WDFY4: variants seen among roughly 807,000 people sequenced by gnomAD.
WDFY4 encodes the protein WD repeat- and FYVE domain-containing protein 4.
A neutral mutation model predicts 351.9 loss-of-function variants in WDFY4; 169 were observed. That is an observed-to-expected ratio of 0.48 (90% CI 0.42 to 0.55). The LOEUF (loss-of-function observed/expected upper bound fraction) is 0.55, where lower values mean the gene tolerates loss of function less well. Ranked by LOEUF, WDFY4 falls within the 20% of genes least tolerant of loss-of-function variation. The probability of loss-of-function intolerance (pLI) is 0.00; values close to 1 mark genes in which losing one functional copy is unlikely to be tolerated. For missense variants in WDFY4, 3,803 were observed against 3,935.6 expected, an observed-to-expected ratio of 0.97 and a Z score of 0.90; for synonymous variants, 1,622 against 1,574.6, an observed-to-expected ratio of 1.03 and a Z score of -0.71.
At chr10:48,831,049 A>G (rs1278016683) in intron 38 of WDFY4, among the ~76,000 whole-genome samples, 164 bp downstream of exon 38, 1 of 152,116 alleles carries the variant, frequency 6.6e-6, no homozygotes, top group African/African-American at 2.4e-5. Flanking sequence ...ATCTTTCCTC[A>G]CAAATAATGA....
At chr10:48,936,679 T>G (rs1291657226) in intron 47 of WDFY4, among the ~76,000 whole-genome samples, 1 of 151,358 alleles carries the variant, frequency 6.6e-6, no homozygotes, top group Non-Finnish European at 1.5e-5. Context: ...CTACTAAAAA[T>G]ACAAAAACAT....
chr10:48,697,186 C>T (rs1211846022), intron 1 of WDFY4, among the ~76,000 whole-genome samples: 2 of 152,212 alleles, frequency 1.3e-5, no homozygotes, highest in African/African-American at 2.4e-5. Flanking sequence ...TCACCCAGCT[C>T]ACAGGTAACT....
chr10:48,787,007 T>C (rs191385792), intron 20 of WDFY4, 137 bp downstream of exon 20: 27 of 706,632 alleles, frequency 3.8e-5, no homozygotes, highest in Non-Finnish European at 4.2e-5. Flanking sequence ...AATTGTATCA[T>C]TATATATTTA....
chr10:48,968,461 G>A (rs750207234), intron 55 of WDFY4: 1 of 153,094 alleles, frequency 6.5e-6, no homozygotes, highest in Non-Finnish European at 1.5e-5. Context: ...GGGTGGTAGG[G>A]TCAGGAAGAG....
intron 47 of WDFY4, among the ~76,000 whole-genome samples, chr10:48,922,839 T>C (rs897242462): frequency 6.6e-6 from 1 of 152,170 alleles, no homozygotes; most frequent in Non-Finnish European, 1.5e-5. Flanking sequence ...GAAAAAGCCA[T>C]AACTTTAGGT....
chr10:48,691,460 G>T (rs916234573), intron 1 of WDFY4, among the ~76,000 whole-genome samples: 25 of 152,146 alleles, frequency 1.6e-4, no homozygotes, highest in Non-Finnish European at 4.4e-5. Context: ...CTGTCACGCT[G>T]CTCCCCTGCT....
In WDFY4 at chr10:48,709,920, T is replaced by A. The variant is rs567725571; in HGVS notation, c.188T>A (p.Ile63Asn). The part of the protein sequence containing the change: ...EYQQLTHKSP[I>N]ERQKSLLSLL... Reference sequence around the variant, plus strand: ...CAGCAGTTGACTCACAAGAGCCCCATTGAGCGTCAGAAGAGCCTGTTGAGT... The same window carrying A: ...CAGCAGTTGACTCACAAGAGCCCCAATGAGCGTCAGAAGAGCCTGTTGAGT... Residue 63 changes from isoleucine to asparagine, a missense_variant, in exon 2 of 62, where the codon ATT becomes AAT. Ile to Asn is a moderately radical substitution (Grantham distance 149). Transcript: ENST00000325239. The A allele has an allele frequency of 6.4e-7, 1 of 1,552,224 alleles. No homozygotes were observed. Among genetic ancestry groups the A allele is most frequent in the Non-Finnish European group, 8.7e-7 (1 of 1,147,104 alleles).
chr10:48,806,083 C>A lies in WDFY4; in HGVS notation c.4726C>A (p.Pro1576Thr). 1.9e-6 allele frequency: 3 copies of A among 1,551,638 alleles called. No individual in the cohort carries two copies. The highest frequency in any genetic ancestry group is 2.6e-6 in the Non-Finnish European group (3 of 1,146,986). The change falls in exon 27 of 62, where the codon CCT (proline) becomes ACT (threonine). Residue 1576 changes from proline to threonine, a missense_variant. This residue lies in a region of WDFY4 where 3,054 missense variants were observed against 3,148.6 expected (regional missense o/e 0.97). Coordinates refer to ENST00000325239, the MANE Select transcript of WDFY4 (RefSeq NM_001394531.1). ...GATCTGCATGGACGGAGCCCTGGAC[C>A]CTTCCCTGCCTGGTGAGAAGACCTT... is the stretch of plus-strand genomic sequence containing the variant. The part of the protein sequence containing the change: ...RQICMDGALD[P>T]SLPAGSQTSG...
intron 12 of WDFY4, among the ~76,000 whole-genome samples, chr10:48,755,158 T>C (rs1038558064): frequency 6.6e-6 from 1 of 152,186 alleles, no homozygotes; most frequent in Non-Finnish European, 1.5e-5. Flanking sequence ...GAATACCATA[T>C]ACATGGAAGC....
At chr10:48,774,215 T>C (rs1177067620) in intron 13 of WDFY4, among the ~76,000 whole-genome samples, 3 of 152,146 alleles carry the variant, frequency 2.0e-5, no homozygotes, top group Non-Finnish European at 4.4e-5. Context: ...GCCATTGACC[T>C]CTCCCCACAC....
chr10:48,803,420 C>T, intron 25 of WDFY4, 61 bp downstream of exon 25: 1 of 1,515,394 alleles, frequency 6.6e-7, no homozygotes, highest in Non-Finnish European at 9.0e-7. Context: ...AGAACAGAGA[C>T]AGGGCAGGGT....
intron 43 of WDFY4, among the ~76,000 whole-genome samples, chr10:48,886,475 T>C (rs1233467396): frequency 2.6e-5 from 4 of 152,194 alleles, no homozygotes; most frequent in Non-Finnish European, 4.4e-5. Context: ...ATTAATGCCA[T>C]TATTGCAGGA....
intron 1 of WDFY4, among the ~76,000 whole-genome samples, chr10:48,701,871 C>T (rs1473601809): frequency 6.6e-6 from 1 of 152,110 alleles, no homozygotes; most frequent in Non-Finnish European, 1.5e-5. Context: ...ATAAAGTGAG[C>T]TCTCAGGGAG....
At chr10:48,828,930 G>A (rs554350787) in intron 37 of WDFY4, 34 bp downstream of exon 37, 3 of 304,262 alleles carry the variant, frequency 9.9e-6, no homozygotes, top group South Asian at 2.6e-5. Context: ...GTGTGGGCGG[G>A]GGGGGGGCGG....
At chr10:48,876,814 A>G (rs2070031948) in intron 42 of WDFY4, among the ~76,000 whole-genome samples, 1 of 152,216 alleles carries the variant, frequency 6.6e-6, no homozygotes, top group Admixed American at 6.5e-5. Flanking sequence ...GCCCTCCAGG[A>G]TAAGTCAACT....
intron 55 of WDFY4, 28 bp from the exon 56 acceptor site, chr10:48,969,036 T>C: frequency 6.5e-7 from 1 of 1,546,876 alleles, no homozygotes. Context: ...CTTCCATGCA[T>C]AAGTTCGCCA....
At chr10:48,866,579 C>T (rs1441184741) in intron 39 of WDFY4, among the ~76,000 whole-genome samples, 3 of 152,182 alleles carry the variant, frequency 2.0e-5, no homozygotes, top group African/African-American at 4.8e-5. Flanking sequence ...ATGTCGGGCA[C>T]ACCTCAGTGA....
intron 23 of WDFY4, among the ~76,000 whole-genome samples, chr10:48,793,338 T>G (rs780104511): frequency 6.6e-5 from 10 of 152,148 alleles, no homozygotes; most frequent in Non-Finnish European, 1.5e-4. Flanking sequence ...GAAGGCAGAA[T>G]AAGGAAAATT....
chr10:48,831,600 G>T (rs1315040924), intron 38 of WDFY4, among the ~76,000 whole-genome samples: 1 of 152,192 alleles, frequency 6.6e-6, no homozygotes, highest in East Asian at 1.9e-4. Context: ...GTCCTGGCAA[G>T]TGTATATATA....
Sources: allele counts gnomAD v4.1 joint callset (sites outside exome capture counted in the v4.1 genomes callset), GRCh38; gene constraint gnomAD v4.1.1; regional missense constraint gnomAD v4.1.1; transcripts MANE v1.5; gene names NCBI Gene and HGNC (gene_info 2026-07-23, HGNC 2026-07-21).